The following CFAP54 variants were observed in gnomAD, a reference collection of about 807,000 sequenced individuals.
The protein encoded by CFAP54 is cilia- and flagella-associated protein 54.
A neutral mutation model predicts 370.4 loss-of-function variants in CFAP54; 290 were observed. The observed-to-expected ratio is 0.78, with a 90% CI of 0.71 to 0.86. The LOEUF is 0.86. CFAP54 is among the 40% of genes least tolerant of loss of function. The probability of loss-of-function intolerance (pLI) is 0.00; values close to 1 mark genes in which losing one functional copy is unlikely to be tolerated. For missense variants in CFAP54, 3,399 were observed against 3,528.7 expected (o/e 0.96, Z 0.93); for synonymous variants, 1,206 against 1,236.5 (o/e 0.98, Z 0.52).
chr12:96,688,920 A>C lies in CFAP54; in HGVS notation c.6019A>C (p.Ile2007Leu), dbSNP rs1592709690. Residue 2007 changes from isoleucine (I) to leucine (L), a missense_variant, in exon 43 of 68, where the codon ATT becomes CTT. Ile to Leu is a conservative substitution (Grantham distance 5). Transcript: ENST00000524981. ...TTTTTTCTTATACTTACTTAGATTT[A>C]TTAAGTCATTGAATGTTGAAAAGAA... ...AVISAKIAQF[I>L]KSLNVEKKTD... is the part of the protein sequence containing the mutation. 1.3e-6 allele frequency: 2 copies of C among 1,564,094 alleles called. No homozygotes were observed. Among genetic ancestry groups the C allele is most frequent in the East Asian group, 4.6e-5 (2 of 43,692 alleles).
At chr12:96,651,345 T>TC (rs1424262301) in intron 35 of CFAP54, among the ~76,000 whole-genome samples, 1 of 152,204 alleles carries the variant, frequency 6.6e-6, no homozygotes, top group African/African-American at 2.4e-5. Flanking sequence ...AACCCATGAC[T>TC]CCATTTCCTC....
chr12:96,794,147 C>T (rs979506095), intron 63 of CFAP54, among the ~76,000 whole-genome samples: 1 of 152,074 alleles, frequency 6.6e-6, no homozygotes, highest in African/African-American at 2.4e-5. Context: ...TTATCTGATA[C>T]TTTTGTGTCA....
At chr12:96,699,798 A>T (rs1391278511) in intron 45 of CFAP54, among the ~76,000 whole-genome samples, 173 bp from the exon 46 acceptor site, 1 of 152,230 alleles carries the variant, frequency 6.6e-6, no homozygotes, top group South Asian at 2.1e-4. Context: ...GGGCATACAC[A>T]TAGACACACG....
At chr12:96,714,386 AAATGTTTCGC>A (rs1198133420) in intron 48 of CFAP54, among the ~76,000 whole-genome samples, 2 of 152,218 alleles carry the variant, frequency 1.3e-5, no homozygotes, top group African/African-American at 4.8e-5. Flanking sequence ...CACACTGAAG[AAATGTTTCGC>A]AATCATTAGT....
rs542908199 is a variant in CFAP54 at position 96,729,446 on chromosome 12, C to A, written c.6965+8881C>A. ...GTTTGATCTCAGACTGCTGTGCTAG[C>A]AATCAGCAAGATTCCATGGGCGTGG... On this transcript the variant is annotated intron_variant, in intron 50 of 67. Transcript: ENST00000524981. 2.6e-3 allele frequency among the ~76,000 whole-genome samples: 395 copies of A among 152,330 alleles called. 2 individuals carry two copies. Among genetic ancestry groups the A allele is most frequent in the African/African-American group, 9.1e-3 (379 of 41,572 alleles).
intron 36 of CFAP54, among the ~76,000 whole-genome samples, chr12:96,656,669 C>T (rs1956926778): frequency 6.6e-6 from 1 of 152,208 alleles, no homozygotes; most frequent in Non-Finnish European, 1.5e-5. Context: ...GCATGAGCCA[C>T]CATGCCTGGC....
At position 96,553,720 on chromosome 12, in the gene CFAP54, T is replaced by A. The variant is rs542507081; in HGVS notation, c.2155-462T>A. 4.3e-4 allele frequency among the ~76,000 whole-genome samples: 66 copies of A among 151,770 alleles called. 1 individual carries two copies. In the South Asian group the frequency reaches 0.013, roughly 31 times the overall value. ...CTGTGAGAATGATTACATTAAAAAG[T>A]GTTTAGTTTTTGAAAATCATGATGT... On this transcript the variant is annotated intron_variant, in intron 15 of 67. Coordinates refer to ENST00000524981, the MANE Select transcript of CFAP54 (RefSeq NM_001306084.2).
chr12:96,543,779 C>A (rs1163348341), intron 14 of CFAP54, among the ~76,000 whole-genome samples: 1 of 152,096 alleles, frequency 6.6e-6, no homozygotes, highest in Admixed American at 6.6e-5. Context: ...CCTTGAAGAT[C>A]TATTTTCAGT....
At chr12:96,572,461 A>G (rs1955931178) in intron 19 of CFAP54, among the ~76,000 whole-genome samples, 1 of 151,782 alleles carries the variant, frequency 6.6e-6, no homozygotes, top group Non-Finnish European at 1.5e-5. Flanking sequence ...ATGGTTTCAG[A>G]GGTTAGGTTG....
intron 5 of CFAP54, 150 bp downstream of exon 5, chr12:96,513,194 A>T: frequency 3.5e-6 from 1 of 282,344 alleles, no homozygotes; most frequent in Non-Finnish European, 6.3e-6. Context: ...ATATAGCTTT[A>T]TTATTCTTAG....
chr12:96,634,906 A>G (rs757232290), intron 32 of CFAP54, among the ~76,000 whole-genome samples: 10 of 152,164 alleles, frequency 6.6e-5, no homozygotes, highest in Non-Finnish European at 1.5e-4. Flanking sequence ...GTGCAGATCT[A>G]TTTCTGAGTT....
intron 5 of CFAP54, among the ~76,000 whole-genome samples, chr12:96,518,372 AATG>A (rs530842369): frequency 1.3e-5 from 2 of 152,300 alleles, no homozygotes; most frequent in East Asian, 3.9e-4. Context: ...TGTTAATAAA[AATG>A]AGCAGAGAGG....
At chr12:96,686,117 A>C (rs573133098) in intron 42 of CFAP54, among the ~76,000 whole-genome samples, 1 of 152,312 alleles carries the variant, frequency 6.6e-6, no homozygotes, top group East Asian at 1.9e-4. Context: ...TTGTTATCTC[A>C]TGATTCTGAA....
At chr12:96,610,618 C>T (rs1956348131) in intron 26 of CFAP54, among the ~76,000 whole-genome samples, 1 of 152,168 alleles carries the variant, frequency 6.6e-6, no homozygotes. Context: ...CACAAGGGGT[C>T]AGGGAATTCC....
chr12:96,514,221 A>G (rs1223301085), intron 5 of CFAP54, among the ~76,000 whole-genome samples: 6 of 152,154 alleles, frequency 3.9e-5, no homozygotes, highest in African/African-American at 1.2e-4. Context: ...CTCAGGAGAG[A>G]TATGTTTTTT....
chr12:96,834,240 A>T (rs9668182), intron 66 of CFAP54, among the ~76,000 whole-genome samples: 1,760 of 152,368 alleles, frequency 0.012, 34 homozygotes, highest in African/African-American at 0.04. Context: ...GGAGGGTGTT[A>T]GGATATTAGC....
chr12:96,624,337 G>A (rs1261408467), intron 28 of CFAP54, among the ~76,000 whole-genome samples: 1 of 152,116 alleles, frequency 6.6e-6, no homozygotes, highest in African/African-American at 2.4e-5. Context: ...GTTATGGGTG[G>A]CACAAAAATC....
intron 60 of CFAP54, among the ~76,000 whole-genome samples, chr12:96,782,233 T>G (rs1469280149): frequency 6.6e-6 from 1 of 152,108 alleles, no homozygotes; most frequent in East Asian, 1.9e-4. Flanking sequence ...TAGTAAATAT[T>G]CAGATGCCAA....
rs749604144 is a variant in CFAP54, at chr12:96,503,975, A to G, written c.513A>G (p.Gln171=). Residue 171 remains glutamine (Q), a synonymous_variant, in exon 3 of 68, where the codon CAA becomes CAG. Coordinates refer to ENST00000524981, the MANE Select transcript of CFAP54 (RefSeq NM_001306084.2). The part of the protein sequence containing the change: ...NFDENKVDVT[Q]FKATFFPKGF... The stretch of plus-strand genomic sequence containing the variant: ...ATGAGAATAAAGTGGATGTAACTCA[A>G]TTCAAAGCTACCTTTTTCCCAAAAG... The G allele has an allele frequency of 3.7e-4, 566 of 1,525,380 alleles. 1 individual carries two copies. The highest frequency in any genetic ancestry group is 4.6e-4 in the Non-Finnish European group (529 of 1,142,874). 94.5% of individuals were successfully genotyped at this position (1,525,380 alleles called of 1,614,324 possible). A position where few individuals can be genotyped will look rare whatever the true frequency, so the allele number is the denominator to read the frequency against.
Sources: allele counts gnomAD v4.1 joint callset (sites outside exome capture counted in the v4.1 genomes callset), GRCh38; gene constraint gnomAD v4.1.1; transcripts MANE v1.5; gene names NCBI Gene and HGNC (gene_info 2026-07-23, HGNC 2026-07-21).